The following HAUS3 variants were observed in gnomAD, a reference collection of about 807,000 sequenced individuals.
HAUS3 encodes the protein HAUS augmin-like complex subunit 3.
Under a neutral mutation model 55.2 loss-of-function variants are expected in HAUS3, and 36 were observed. The observed-to-expected ratio is 0.65, with a 90% CI of 0.50 to 0.86. The LOEUF is 0.86. HAUS3 is among the 40% of genes least tolerant of loss of function. The pLI is 0.00. For missense variants in HAUS3, 752 were observed against 671.5 expected (o/e 1.12, Z -1.33); for synonymous variants, 234 against 238.6 (o/e 0.98, Z 0.18).
At position 2,231,960 on chromosome 4, in the gene HAUS3, T is replaced by C. The variant is rs757297222; in HGVS notation, c.1779A>G (p.Gln593=). 17 of 1,435,674 alleles carry C rather than the reference T, an allele frequency of 1.2e-5. No homozygotes were observed. Among genetic ancestry groups the C allele is most frequent in the Admixed American group, 3.8e-5 (2 of 53,106 alleles). 88.9% of individuals were successfully genotyped at this position (1,435,674 alleles called of 1,614,324 possible). A position where few individuals can be genotyped will look rare whatever the true frequency, so the allele number is the denominator to read the frequency against. ...LKDIVENLET[Q]SKIKAVSLED is the part of the protein sequence containing the mutation. ...CAAGACTAACAGCCTTAATCTTTGA[T>C]TGAGTTTCTAAATTCTCCACAATAT... Residue 593 remains glutamine, a synonymous_variant, in exon 6 of 6, where the codon CAA becomes CAG. Coordinates refer to ENST00000443786, the MANE Select transcript of HAUS3 (RefSeq NM_001303143.2).
In HAUS3 at chr4:2,242,046, G is replaced by C. The variant is rs1399408570; in HGVS notation, c.-419+5C>G. ...GCGCCCAGAACCGAGGCCCGCGTCA[G>C]TCACCTCAGGAAGTTCCGCTTGCTT... On this transcript the variant is annotated splice_donor_5th_base_variant and intron_variant, in intron 1 of 5. Transcript: ENST00000443786. 3 of 985,506 alleles carry C rather than the reference G, an allele frequency of 3.0e-6. No individual in the cohort carries two copies. The highest frequency in any genetic ancestry group is 2.3e-4 in the East Asian group (2 of 8,826). 61.0% of individuals were successfully genotyped at this position (985,506 alleles called of 1,614,324 possible).
Position 2,232,063 on chromosome 4 carries a change from G to A in HAUS3, c.1676C>T (p.Thr559Ile), listed in dbSNP as rs1734600528. 1 of 1,590,656 alleles carries A rather than the reference G, an allele frequency of 6.3e-7. No individual in the cohort carries two copies. Among genetic ancestry groups the A allele is most frequent in the Non-Finnish European group, 8.6e-7 (1 of 1,163,102 alleles). The change falls in exon 6 of 6, where the codon ACT becomes ATT. Residue 559 changes from threonine to isoleucine, a missense_variant. Thr to Ile is a moderately conservative substitution (Grantham distance 89). Transcript: ENST00000443786. ...TTGATGTAATTTATTATTTGCCAAA[G>A]TTTTTCTTTTTGTCTTCACATCAGC... ...ILADVKTKRK[T>I]LANNKLHQME...
In HAUS3 at chr4:2,241,715, A is replaced by T; in HGVS notation, c.-343T>A. 1.0e-6 allele frequency: 1 copy of T among 985,328 alleles called. No homozygotes were observed. The highest frequency in any genetic ancestry group is 1.2e-6 in the Non-Finnish European group (1 of 829,960). 61.0% of individuals were successfully genotyped at this position (985,328 alleles called of 1,614,324 possible). On this transcript the variant is annotated 5_prime_UTR_variant, in exon 2 of 6. Coordinates refer to ENST00000443786, the MANE Select transcript of HAUS3 (RefSeq NM_001303143.2). ...GCAAGCCCCAGGGATCCGCGGCCCCAAGGCCGCGATACACCAGACGCGCCA... is the reference window on the plus strand; with the variant it reads ...GCAAGCCCCAGGGATCCGCGGCCCCTAGGCCGCGATACACCAGACGCGCCA...
chr4:2,233,657 A>G (rs1442756495), intron 5 of HAUS3, among the ~76,000 whole-genome samples: 2 of 152,152 alleles, frequency 1.3e-5, no homozygotes, highest in Non-Finnish European at 2.9e-5. Context: ...AAATTGACTT[A>G]TTTTTTTCCT....
chr4:2,229,081 T>A lies in HAUS3; in HGVS notation c.*2846A>T. Reference sequence around the variant, plus strand: ...TTCAAAGTATCAAGAGAAAGAAAGGTTCATAAAAATTACTTACTCTCTGTA... The same window carrying A: ...TTCAAAGTATCAAGAGAAAGAAAGGATCATAAAAATTACTTACTCTCTGTA... On this transcript the variant is annotated 3_prime_UTR_variant, in exon 6 of 6. Transcript: ENST00000443786. The A allele has an allele frequency of 6.4e-7, 1 of 1,563,756 alleles. No homozygotes were observed. The highest frequency in any genetic ancestry group is 8.7e-7 in the Non-Finnish European group (1 of 1,149,766).
In HAUS3 at chr4:2,236,528, G is replaced by C. The variant is rs1734773944; in HGVS notation, c.1350-72C>G. 4 of 1,034,272 alleles carry C rather than the reference G, an allele frequency of 3.9e-6. No homozygotes were observed. In the East Asian group the frequency reaches 9.7e-5, roughly 25 times the overall value. The allele number at this position is 1,034,272 out of a possible 1,614,324, so 64.1% of individuals were successfully genotyped here. Reference sequence around the variant, plus strand: ...ATCATTTTCAAAATTACAATCCACTGTATTGGGGCATTTGTGGGGATAGCT... The same window carrying C: ...ATCATTTTCAAAATTACAATCCACTCTATTGGGGCATTTGTGGGGATAGCT... On this transcript the variant is annotated intron_variant, in intron 4 of 5. Coordinates refer to ENST00000443786, the MANE Select transcript of HAUS3 (RefSeq NM_001303143.2).
chr4:2,229,545 C>T lies in HAUS3; in HGVS notation c.*2382G>A, dbSNP rs1734502102. The T allele has an allele frequency of 5.3e-6, 1 of 187,590 alleles. No individual in the cohort carries two copies. Among genetic ancestry groups the T allele is most frequent in the East Asian group, 1.5e-4 (1 of 6,734 alleles). 11.6% of individuals were successfully genotyped at this position (187,590 alleles called of 1,614,324 possible). Reference sequence around the variant, plus strand: ...AAATGTTATTAAATCTTCAAATAGGCTGAGCGCGGAAGCTCATGCCTGTGA... The same window carrying T: ...AAATGTTATTAAATCTTCAAATAGGTTGAGCGCGGAAGCTCATGCCTGTGA... On this transcript the variant is annotated 3_prime_UTR_variant, in exon 6 of 6. Transcript: ENST00000443786.
intron 1 of HAUS3, 73 bp downstream of exon 1, chr4:2,241,978 G>A: frequency 1.0e-6 from 1 of 985,574 alleles, no homozygotes; most frequent in Non-Finnish European, 1.2e-6. Context: ...AGGCACCTGG[G>A]TGCAGACGGG....
intron 3 of HAUS3, 118 bp from the exon 4 acceptor site, chr4:2,239,161 A>G (rs1391885643): frequency 3.7e-6 from 2 of 536,496 alleles, no homozygotes; most frequent in East Asian, 6.1e-5. Context: ...ATGAAAACTA[A>G]TTTAATATTC....
rs1734590497 is a variant in HAUS3, at chr4:2,231,885, AT to A, written c.*41del. 1.2e-6 allele frequency: 1 copy of A among 861,658 alleles called. No homozygotes were observed. The highest frequency in any genetic ancestry group is 2.7e-5 in the Admixed American group (1 of 37,096). 53.4% of individuals were successfully genotyped at this position (861,658 alleles called of 1,614,324 possible). A position where few individuals can be genotyped will look rare whatever the true frequency, so the allele number is the denominator to read the frequency against. On this transcript the variant is annotated 3_prime_UTR_variant, in exon 6 of 6. Coordinates refer to ENST00000443786, the MANE Select transcript of HAUS3 (RefSeq NM_001303143.2). ...TTTATTATACACAGTCTTCTAATAAATAAAAGAGGACACGTAATAAAGATTC... is the reference window on the plus strand; with the variant it reads ...TTTATTATACACAGTCTTCTAATAAAAAAAGAGGACACGTAATAAAGATTC...
chr4:2,230,636 C>T lies in HAUS3; in HGVS notation c.*1291G>A, dbSNP rs1734547565. ...TCAAAAATCAAGAAGGTTCATCTGT[C>T]ATCTAGGTATGCCTGTTTTCTGATG... is the stretch of plus-strand genomic sequence containing the variant. On this transcript the variant is annotated 3_prime_UTR_variant, in exon 6 of 6. Coordinates refer to ENST00000443786, the MANE Select transcript of HAUS3 (RefSeq NM_001303143.2). 2 of 151,848 alleles carry T rather than the reference C, an allele frequency of 1.3e-5. No individual in the cohort carries two copies. Among genetic ancestry groups the T allele is most frequent in the South Asian group, 4.2e-4 (2 of 4,810 alleles). The allele number at this position is 151,848 out of a possible 1,614,324, so 9.4% of individuals were successfully genotyped here.
At chr4:2,235,037 C>T (rs1734711101) in intron 5 of HAUS3, among the ~76,000 whole-genome samples, 1 of 152,196 alleles carries the variant, frequency 6.6e-6, no homozygotes, top group Non-Finnish European at 1.5e-5. Context: ...AGTCACCCGC[C>T]ACCACGCCCG....
chr4:2,236,246 C>T lies in HAUS3; in HGVS notation c.1560G>A (p.Gln520=). The change falls in exon 5 of 6, where the codon CAG becomes CAA. Residue 520 remains glutamine (Q), a synonymous_variant. Transcript: ENST00000443786. ...TACCCACCTGATCACTAAGCAAAAG[C>T]TGATTTCCTCCTTGATACAAAGTAT... is the stretch of plus-strand genomic sequence containing the variant. The part of the protein sequence containing the change: ...LCDTLYQGGN[Q]LLLSDQELTE... The T allele has an allele frequency of 1.2e-6, 2 of 1,610,358 alleles. No homozygotes were observed. The highest frequency in any genetic ancestry group is 1.7e-6 in the Non-Finnish European group (2 of 1,177,464).
rs914765214 is a variant in HAUS3 at position 2,240,762 on chromosome 4, C to A, written c.185G>T (p.Ser62Ile). 1.2e-6 allele frequency: 2 copies of A among 1,613,848 alleles called. No homozygotes were observed. Among genetic ancestry groups the A allele is most frequent in the African/African-American group, 2.7e-5 (2 of 74,912 alleles). ...VLSERELEAF[S>I]ILQKSGKPIL... ...AGGCTTGCCTGATTTCTGAAGAATG[C>A]TAAAAGCTTCCAATTCTCTTTCAGA... is the stretch of plus-strand genomic sequence containing the variant. Residue 62 changes from serine to isoleucine, a missense_variant, in exon 3 of 6, where the codon AGC becomes ATC. Coordinates refer to ENST00000443786, the MANE Select transcript of HAUS3 (RefSeq NM_001303143.2).
chr4:2,228,978 T>A lies in HAUS3; in HGVS notation c.*2949A>T. On this transcript the variant is annotated 3_prime_UTR_variant, in exon 6 of 6. Transcript: ENST00000443786. ...AGAAGCTCAGTCTGCACTGAATGAG[T>A]GTAAAAGGGGCGGGAGCTGGGCTTC... 1 of 944,262 alleles carries A rather than the reference T, an allele frequency of 1.1e-6. No homozygotes were observed. Among genetic ancestry groups the A allele is most frequent in the Non-Finnish European group, 1.6e-6 (1 of 638,778 alleles). 58.5% of individuals were successfully genotyped at this position (944,262 alleles called of 1,614,324 possible).
At chr4:2,238,573 A>G (rs1168487250) in intron 4 of HAUS3, 31 bp downstream of exon 4, 4 of 1,385,276 alleles carry the variant, frequency 2.9e-6, no homozygotes, top group Non-Finnish European at 3.9e-6. Context: ...AAAAGGAAAT[A>G]TTTACTAAAG....
Position 2,238,771 on chromosome 4 carries a change from T to C in HAUS3, c.1182A>G (p.Glu394=). 2 of 1,613,824 alleles carry C rather than the reference T, an allele frequency of 1.2e-6. No homozygotes were observed. The highest frequency in any genetic ancestry group is 2.2e-5 in the South Asian group (2 of 91,074). The change falls in exon 4 of 6, where the codon GAA becomes GAG. Residue 394 remains glutamate (E), a synonymous_variant. Coordinates refer to ENST00000443786, the MANE Select transcript of HAUS3 (RefSeq NM_001303143.2). The part of the protein sequence containing the change: ...FELLQLSYEI[E]LRKHRDIYRQ... The stretch of plus-strand genomic sequence containing the variant: ...GATATATGTCCCGATGCTTTCTTAA[T>C]TCAATTTCATATGATAACTGTAGAA...
Position 2,241,750 on chromosome 4 carries a change from C to T in HAUS3, c.-378G>A. ...TACACCAGACGCGCCAGCGGCAAAACCTTCCTTCGGAGGGTCACCCAGCTG... is the reference window on the plus strand; with the variant it reads ...TACACCAGACGCGCCAGCGGCAAAATCTTCCTTCGGAGGGTCACCCAGCTG... On this transcript the variant is annotated 5_prime_UTR_variant, in exon 2 of 6. Coordinates refer to ENST00000443786, the MANE Select transcript of HAUS3 (RefSeq NM_001303143.2). The T allele has an allele frequency of 1.0e-6, 1 of 985,494 alleles. No homozygotes were observed. Among genetic ancestry groups the T allele is most frequent in the Non-Finnish European group, 1.2e-6 (1 of 829,952 alleles). 61.0% of individuals were successfully genotyped at this position (985,494 alleles called of 1,614,324 possible).
chr4:2,234,016 T>A (rs1052221761), intron 5 of HAUS3, among the ~76,000 whole-genome samples: 1 of 151,520 alleles, frequency 6.6e-6, no homozygotes, highest in Non-Finnish European at 1.5e-5. Flanking sequence ...AAAAGCTATA[T>A]ACACAAAGAT....
Sources: allele counts gnomAD v4.1 joint callset (sites outside exome capture counted in the v4.1 genomes callset), GRCh38; gene constraint gnomAD v4.1.1; transcripts MANE v1.5; gene names NCBI Gene and HGNC (gene_info 2026-07-23, HGNC 2026-07-21).